The following CABP1 variants were observed in gnomAD, a reference collection of about 807,000 sequenced individuals.
CABP1 encodes the protein calcium binding protein 1, also known as calcium-binding protein 1.
In CABP1, 17 loss-of-function variants were observed where a neutral mutation model predicts 34.3. The observed-to-expected ratio is 0.50, with a 90% CI of 0.34 to 0.74. The LOEUF is 0.74. Among genes scored for constraint, CABP1 ranks in the 30% least tolerant of loss-of-function variants. CABP1 has a pLI of 0.01. For missense variants in CABP1, 373 were observed against 511.1 expected, an observed-to-expected ratio of 0.73 and a Z score of 2.61; for synonymous variants, 198 against 229.2, an observed-to-expected ratio of 0.86 and a Z score of 1.23.
At chr12:120,650,456 C>A in intron 1 of CABP1, 1 of 1,437,528 alleles carries the variant, frequency 7.0e-7, no homozygotes, top group Non-Finnish European at 9.1e-7. Context: ...AATCGGAGAG[C>A]AGGAGCAGGC....
At chr12:120,674,537 T>C in the CABP1 span, among the ~76,000 whole-genome samples, 3 of 152,162 alleles carry the variant, frequency 2.0e-5, no homozygotes, top group African/African-American at 7.2e-5. Flanking sequence ...TTGTCTTTCC[T>C]ACAGAGGGGA....
intron 1 of CABP1, among the ~76,000 whole-genome samples, chr12:120,658,802 G>A (rs868677988): frequency 9.9e-5 from 15 of 152,210 alleles, no homozygotes; most frequent in Non-Finnish European, 1.9e-4. Context: ...ATACCTGTGT[G>A]AGCCTCTTCA....
At position 120,641,312 on chromosome 12, in the gene CABP1, C is replaced by A; in HGVS notation, c.627C>A (p.Arg209=). The change falls in exon 1 of 6, where the codon CGC becomes CGA. Residue 209 remains arginine (R), a synonymous_variant. Coordinates refer to ENST00000316803, the MANE Select transcript of CABP1 (RefSeq NM_001033677.2). The surrounding 1 kb of genome is among the most constrained non-coding windows in gnomAD (Gnocchi z 6.7). The part of the protein sequence containing the change: ...SEADPFLHRL[R]PMLSSAFGQD... ...CGGACCCGTTCCTCCACCGGCTGCG[C>A]CCCATGCTCAGCTCCGCCTTTGGCC... The A allele has an allele frequency of 7.5e-7, 1 of 1,330,554 alleles. No homozygotes were observed. The highest frequency in any genetic ancestry group is 3.1e-5 in the East Asian group (1 of 32,640). 82.4% of individuals were successfully genotyped at this position (1,330,554 alleles called of 1,614,324 possible).
At chr12:120,644,072 G>T (rs992430300) in intron 1 of CABP1, among the ~76,000 whole-genome samples, 2 of 152,238 alleles carry the variant, frequency 1.3e-5, no homozygotes, top group African/African-American at 2.4e-5. Flanking sequence ...AGGCTAAGGT[G>T]TGGAATGGTG....
intron 1 of CABP1, among the ~76,000 whole-genome samples, chr12:120,651,573 CCA>C (rs1217115316): frequency 6.6e-6 from 1 of 152,144 alleles, no homozygotes; most frequent in Non-Finnish European, 1.5e-5. Flanking sequence ...CTTCCATTTT[CCA>C]GACAAGGAAC....
At chr12:120,674,920 AC>A in the CABP1 span, among the ~76,000 whole-genome samples, 1 of 128,566 alleles carries the variant, frequency 7.8e-6, no homozygotes, top group African/African-American at 3.3e-5. Flanking sequence ...AAAAAAAAAA[AC>A]ACCAAAAATA....
At chr12:120,644,981 T>C (rs1879483807) in intron 1 of CABP1, among the ~76,000 whole-genome samples, 1 of 152,136 alleles carries the variant, frequency 6.6e-6, no homozygotes, top group Non-Finnish European at 1.5e-5. Flanking sequence ...ATTTTTGTAT[T>C]GTTAGTAGAG....
Position 120,661,351 on chromosome 12 carries a change from C to A in CABP1, c.1087+133C>A. 1.0e-6 allele frequency: 1 copy of A among 957,800 alleles called. No individual in the cohort carries two copies. 59.3% of individuals were successfully genotyped at this position (957,800 alleles called of 1,614,324 possible). A position where few individuals can be genotyped will look rare whatever the true frequency, so the allele number is the denominator to read the frequency against. ...CCCCCAGCCCTTTCATCCTCTTATC[C>A]CTCCGTCCATGCCCCCGTCTAATCC... On this transcript the variant is annotated intron_variant, in intron 5 of 5. Transcript: ENST00000316803. The surrounding 1 kb of genome is among the most constrained non-coding windows in gnomAD (Gnocchi z 5.1).
At position 120,640,802 on chromosome 12, in the gene CABP1, G is replaced by C; in HGVS notation, c.117G>C (p.Ala39=). The change falls in exon 1 of 6, where the codon GCG becomes GCC. Residue 39 remains alanine, a synonymous_variant. Coordinates refer to ENST00000316803, the MANE Select transcript of CABP1 (RefSeq NM_001033677.2). The surrounding 1 kb of genome is among the most constrained non-coding windows in gnomAD (Gnocchi z 6.2). ...EPRSLPAGGP[A]PRRTAPPPPG... ...GTTCTCTGCCCGCCGGGGGCCCCGC[G>C]CCGCGCCGCACCGCGCCGCCCCCGC... 9.1e-7 allele frequency: 1 copy of C among 1,103,960 alleles called. No individual in the cohort carries two copies. The highest frequency in any genetic ancestry group is 1.1e-6 in the Non-Finnish European group (1 of 907,848). The allele number at this position is 1,103,960 out of a possible 1,614,324, so 68.4% of individuals were successfully genotyped here. A position where few individuals can be genotyped will look rare whatever the true frequency, so the allele number is the denominator to read the frequency against.
chr12:120,656,387 C>T, intron 1 of CABP1: 1 of 1,043,134 alleles, frequency 9.6e-7, no homozygotes, highest in Non-Finnish European at 1.3e-6. Context: ...TGAATCTGAT[C>T]CCCAAAGTTT....
chr12:120,664,747 C>T (rs986867224), intron 5 of CABP1, among the ~76,000 whole-genome samples: 5 of 151,854 alleles, frequency 3.3e-5, no homozygotes, highest in Admixed American at 6.6e-5. Context: ...TGTGGTGGCG[C>T]ACACCTGTAA....
the CABP1 span, among the ~76,000 whole-genome samples, chr12:120,676,655 G>T: frequency 6.6e-6 from 1 of 152,272 alleles, no homozygotes; most frequent in Admixed American, 6.5e-5. Context: ...TTGAACTCCC[G>T]ACTTCAGGTG....
chr12:120,641,300 C>G lies in CABP1; in HGVS notation c.615C>G (p.Leu205=). 1.5e-6 allele frequency: 2 copies of G among 1,330,192 alleles called. No individual in the cohort carries two copies. The highest frequency in any genetic ancestry group is 9.6e-7 in the Non-Finnish European group (1 of 1,041,520). 82.4% of individuals were successfully genotyped at this position (1,330,192 alleles called of 1,614,324 possible). Residue 205 remains leucine (L), a synonymous_variant, in exon 1 of 6, where the codon CTC becomes CTG. Transcript: ENST00000316803. This position sits in a 1 kb window ranked among gnomAD's most constrained non-coding sequence, Gnocchi z 6.7. ...CCGCGTCCGAGGCGGACCCGTTCCTCCACCGGCTGCGCCCCATGCTCAGCT... is the reference window on the plus strand; with the variant it reads ...CCGCGTCCGAGGCGGACCCGTTCCTGCACCGGCTGCGCCCCATGCTCAGCT... ...PAAASEADPF[L]HRLRPMLSSA... is the part of the protein sequence containing the mutation.
At chr12:120,668,239 G>A (rs1413182858), downstream of CABP1, among the ~76,000 whole-genome samples, 3 of 152,210 alleles carry the variant, frequency 2.0e-5, no homozygotes, top group Admixed American at 1.3e-4. Context: ...GCTCATGCCT[G>A]TAATCCCAGC....
At position 120,660,940 on chromosome 12, in the gene CABP1, G is replaced by A. The variant is rs1031417418; in HGVS notation, c.939+100G>A. The A allele has an allele frequency of 1.6e-5, 22 of 1,382,818 alleles. No individual in the cohort carries two copies. In the Admixed American group the frequency reaches 3.5e-4, roughly 22 times the overall value. 85.7% of individuals were successfully genotyped at this position (1,382,818 alleles called of 1,614,324 possible). On this transcript the variant is annotated intron_variant, in intron 4 of 5. Coordinates refer to ENST00000316803, the MANE Select transcript of CABP1 (RefSeq NM_001033677.2). This position sits in a 1 kb window ranked among gnomAD's most constrained non-coding sequence, Gnocchi z 5.0. ...CTGAGCCTCAAGTCCCAGATCAGGG[G>A]AGGGAGCTTGGACAGAGAAAGGTCT...
downstream of CABP1, among the ~76,000 whole-genome samples, chr12:120,668,068 T>C (rs1881107752): frequency 6.6e-6 from 1 of 152,168 alleles, no homozygotes; most frequent in African/African-American, 2.4e-5. Flanking sequence ...AGGAAAAATA[T>C]AGGGACCTTC....
chr12:120,671,088 C>A (rs1008622453), downstream of CABP1, among the ~76,000 whole-genome samples: 2 of 152,102 alleles, frequency 1.3e-5, no homozygotes, highest in Non-Finnish European at 2.9e-5. Flanking sequence ...GACAGATCTA[C>A]TAGGACCTCA....
the CABP1 span, among the ~76,000 whole-genome samples, chr12:120,675,333 G>A: frequency 1.6e-4 from 24 of 152,182 alleles, no homozygotes; most frequent in African/African-American, 3.9e-4. Flanking sequence ...GATTACAGGC[G>A]TATGCCACTG....
chr12:120,671,071 A>G (rs1055303654), downstream of CABP1, among the ~76,000 whole-genome samples: 15 of 152,090 alleles, frequency 9.9e-5, no homozygotes, highest in African/African-American at 3.6e-4. Flanking sequence ...GGGTGTGGGG[A>G]GGAATGGACA....
Sources: allele counts gnomAD v4.1 joint callset (sites outside exome capture counted in the v4.1 genomes callset), GRCh38; gene constraint gnomAD v4.1.1; non-coding constraint Gnocchi (gnomAD v3.1); transcripts MANE v1.5; gene names NCBI Gene and HGNC (gene_info 2026-07-23, HGNC 2026-07-21).